Variants in RYR2 observed in about 807,000 individuals in gnomAD.
RYR2 encodes ryanodine receptor 2, also known as cardiac muscle ryanodine receptor-calcium release channel.
In RYR2, 227 loss-of-function variants were observed where a neutral mutation model predicts 601.1. That is an observed-to-expected ratio of 0.38 (90% CI 0.34 to 0.42). The LOEUF (loss-of-function observed/expected upper bound fraction) is 0.42. RYR2 is among the 10% of genes least tolerant of loss of function. The pLI, the probability that RYR2 is intolerant of heterozygous loss-of-function variation, is 1.00. For synonymous variants in RYR2, 2,223 were observed against 2,175.1 expected, an observed-to-expected ratio of 1.02 and a Z score of -0.61; for missense variants, 4,646 against 6,156.5, an observed-to-expected ratio of 0.75 and a Z score of 8.21.
At chr1:237,664,603 G>A (rs1382678824) in intron 56 of RYR2, among the ~76,000 whole-genome samples, 4 of 152,184 alleles carry the variant, frequency 2.6e-5, no homozygotes, top group Non-Finnish European at 5.9e-5. Context: ...CACAAGAACA[G>A]TATGGAGGAA....
intron 1 of RYR2, among the ~76,000 whole-genome samples, chr1:237,209,747 T>C (rs548745992): frequency 6.6e-6 from 1 of 152,202 alleles, no homozygotes; most frequent in African/African-American, 2.4e-5. Flanking sequence ...TTTCAGCTAC[T>C]TGGGAGGCTG....
intron 1 of RYR2, among the ~76,000 whole-genome samples, chr1:237,222,941 T>C (rs1043106868): frequency 3.9e-5 from 6 of 152,088 alleles, no homozygotes; most frequent in South Asian, 4.2e-4. Flanking sequence ...GGCACATGCT[T>C]GTAATCCCAG....
At chr1:237,798,213 G>C (rs745455605) in intron 97 of RYR2, 43 bp downstream of exon 97, 28 of 1,562,572 alleles carry the variant, frequency 1.8e-5, no homozygotes, top group Non-Finnish European at 2.1e-5. Flanking sequence ...TAGATTGAAA[G>C]GGGAAAACAT....
Position 237,053,738 on chromosome 1 carries a change from C to T in RYR2, c.48+11169C>T, listed in dbSNP as rs575067482. Reference sequence around the variant, plus strand: ...TGGGTGGGATAGGGAATAAGGAAAACGCAAATATTCTACTACACAGTGGAC... The same window carrying T: ...TGGGTGGGATAGGGAATAAGGAAAATGCAAATATTCTACTACACAGTGGAC... On this transcript the variant is annotated intron_variant, in intron 1 of 104. Transcript: ENST00000366574. Among the ~76,000 whole-genome samples the T allele has an allele frequency of 2.7e-3, 405 of 152,148 alleles. 3 individuals carry two copies. The highest frequency in any genetic ancestry group is 0.011 in the South Asian group (52 of 4,824).
chr1:237,293,450 G>A lies in RYR2; in HGVS notation c.168+22834G>A, dbSNP rs137949700. On this transcript the variant is annotated intron_variant, in intron 2 of 104. Coordinates refer to ENST00000366574, the MANE Select transcript of RYR2 (RefSeq NM_001035.3). ...TCGAACTCCTGGCCTCAAGTGATCCGCCCACCTTGGCCTTCCAAAGTTCTG... is the reference window on the plus strand; with the variant it reads ...TCGAACTCCTGGCCTCAAGTGATCCACCCACCTTGGCCTTCCAAAGTTCTG... Among the ~76,000 whole-genome samples the A allele has an allele frequency of 2.4e-3, 364 of 152,116 alleles. 4 individuals carry two copies. The highest frequency in any genetic ancestry group is 8.3e-3 in the African/African-American group (345 of 41,514).
At chr1:237,508,087 C>T (rs1665455063) in intron 23 of RYR2, among the ~76,000 whole-genome samples, 1 of 152,076 alleles carries the variant, frequency 6.6e-6, no homozygotes. Context: ...CTTCAGCCTC[C>T]CAAGTAGCTG....
intron 63 of RYR2, among the ~76,000 whole-genome samples, chr1:237,695,772 A>T (rs143698225): frequency 6.6e-6 from 1 of 152,212 alleles, no homozygotes; most frequent in Non-Finnish European, 1.5e-5. Flanking sequence ...CTGGTCTACA[A>T]ATTAAAATAT....
At chr1:237,736,437 G>A (rs1156649374) in intron 79 of RYR2, among the ~76,000 whole-genome samples, 1 of 149,366 alleles carries the variant, frequency 6.7e-6, no homozygotes, top group African/African-American at 2.5e-5. Context: ...ACTCCAGGCT[G>A]GGCGATGGAG....
In RYR2 at chr1:237,359,803, C is replaced by G. The variant is rs111493702; in HGVS notation, c.294+3818C>G. ...TACACTTTAAAAGAGAATAAAACTC[C>G]TGAGTACTGGATAAGAAAGTAACTA... On this transcript the variant is annotated intron_variant, in intron 4 of 104. Transcript: ENST00000366574. Among the ~76,000 whole-genome samples, 118 of 152,282 alleles carry G rather than the reference C, an allele frequency of 7.7e-4. 1 individual carries two copies. Among genetic ancestry groups the G allele is most frequent in the African/African-American group, 2.7e-3 (114 of 41,556 alleles).
intron 1 of RYR2, among the ~76,000 whole-genome samples, chr1:237,112,011 G>A (rs1215742592): frequency 6.6e-6 from 1 of 152,214 alleles, no homozygotes; most frequent in Non-Finnish European, 1.5e-5. Flanking sequence ...GTGGGTGAGT[G>A]CACCCTAGTG....
intron 2 of RYR2, among the ~76,000 whole-genome samples, chr1:237,330,468 A>T (rs1427182815): frequency 6.6e-6 from 1 of 152,180 alleles, no homozygotes; most frequent in Non-Finnish European, 1.5e-5. Flanking sequence ...GCTAACTGCA[A>T]CCTCTGCCTC....
chr1:237,770,130 A>G (rs1694158839), intron 84 of RYR2, among the ~76,000 whole-genome samples: 1 of 152,150 alleles, frequency 6.6e-6, no homozygotes. Flanking sequence ...ACGAGCCACC[A>G]AAGTCTGTCT....
intron 23 of RYR2, among the ~76,000 whole-genome samples, chr1:237,508,900 G>A (rs538462594): frequency 1.3e-5 from 2 of 150,736 alleles, no homozygotes; most frequent in African/African-American, 2.4e-5. Flanking sequence ...CCGCTACCAC[G>A]CCCGGCTAAT....
intron 2 of RYR2, among the ~76,000 whole-genome samples, chr1:237,288,947 G>T (rs1038273836): frequency 2.1e-4 from 32 of 152,184 alleles, no homozygotes; most frequent in African/African-American, 7.7e-4. Context: ...GGTATGGGGT[G>T]CTTGGGGACC....
chr1:237,401,780 C>T (rs758116773), intron 10 of RYR2, among the ~76,000 whole-genome samples: 2 of 152,108 alleles, frequency 1.3e-5, no homozygotes, highest in African/African-American at 4.8e-5. Context: ...AAACCTCTAC[C>T]CCTTTAATCG....
chr1:237,381,231 G>A (rs1701486181), intron 8 of RYR2, among the ~76,000 whole-genome samples: 1 of 111,934 alleles, frequency 8.9e-6, no homozygotes, highest in Admixed American at 1.4e-4. Flanking sequence ...CAGCCTAGGT[G>A]ACAGAACGAG....
At chr1:237,363,201 T>A (rs1444980762) in intron 4 of RYR2, among the ~76,000 whole-genome samples, 2 of 152,160 alleles carry the variant, frequency 1.3e-5, no homozygotes, top group African/African-American at 2.4e-5. Flanking sequence ...CCTAATTCTT[T>A]AGTGATATCT....
chr1:237,673,905 AGT>A (rs2148907680), intron 58 of RYR2, among the ~76,000 whole-genome samples, 189 bp from the exon 59 acceptor site: 1 of 152,344 alleles, frequency 6.6e-6, no homozygotes, highest in African/African-American at 2.4e-5. Flanking sequence ...GCATATGCAC[AGT>A]CTTTCTGTGA....
Position 237,176,084 on chromosome 1 carries a change from C to T in RYR2, c.49-94413C>T, listed in dbSNP as rs1355753950. Among the ~76,000 whole-genome samples the T allele has an allele frequency of 4.0e-5, 6 of 151,642 alleles. No individual in the cohort carries two copies. The East Asian group carries it at 9.7e-4, about 25-fold the overall frequency. On this transcript the variant is annotated intron_variant, in intron 1 of 104. Transcript: ENST00000366574. ...TTATCTCTGCAAAAAAATCATTAGC[C>T]AGGCACGGTGGTGTGTACCTGTAGT...
Sources: allele counts gnomAD v4.1 joint callset (sites outside exome capture counted in the v4.1 genomes callset), GRCh38; gene constraint gnomAD v4.1.1; transcripts MANE v1.5; gene names NCBI Gene and HGNC (gene_info 2026-07-23, HGNC 2026-07-21).